KSR1: variants seen among roughly 807,000 people sequenced by gnomAD.
KSR1 encodes the protein kinase suppressor of ras 1.
A neutral mutation model predicts 92.9 loss-of-function variants in KSR1; 35 were observed. The observed-to-expected ratio is 0.38, with a 90% CI of 0.29 to 0.50. KSR1 has a LOEUF of 0.50. Among genes scored for constraint, KSR1 ranks in the 20% least tolerant of loss-of-function variants. The probability of loss-of-function intolerance (pLI) is 0.94; values close to 1 mark genes in which losing one functional copy is unlikely to be tolerated. For synonymous variants in KSR1, 467 were observed against 472.6 expected, an observed-to-expected ratio of 0.99 and a Z score of 0.15; for missense variants, 972 against 1,158.5, an observed-to-expected ratio of 0.84 and a Z score of 2.34.
rs991951054 is a variant in KSR1, at chr17:27,456,450, C to T, written c.-194C>T. On this transcript the variant is annotated 5_prime_UTR_variant, in exon 1 of 21. Coordinates refer to ENST00000644974, the MANE Select transcript of KSR1 (RefSeq NM_001394583.1). ...GCTCCGGGAGCCGCAGCCGTCGGGT[C>T]GCCGCGGCTTTCGCTTTGCTGCCGC... 7.9e-6 allele frequency: 3 copies of T among 378,310 alleles called. No homozygotes were observed. The highest frequency in any genetic ancestry group is 9.3e-6 in the Non-Finnish European group (2 of 215,234). 23.4% of individuals were successfully genotyped at this position (378,310 alleles called of 1,614,324 possible). A position where few individuals can be genotyped will look rare whatever the true frequency, so the allele number is the denominator to read the frequency against.
At chr17:27,534,560 C>T (rs1241849872) in intron 1 of KSR1, among the ~76,000 whole-genome samples, 4 of 152,294 alleles carry the variant, frequency 2.6e-5, no homozygotes, top group South Asian at 4.1e-4. Context: ...GATTTGAACC[C>T]GGGTCTGTTG....
chr17:27,596,859 G>A (rs1347250465), intron 9 of KSR1, among the ~76,000 whole-genome samples: 2 of 152,256 alleles, frequency 1.3e-5, no homozygotes, highest in Non-Finnish European at 2.9e-5. Flanking sequence ...CTGAGTATGT[G>A]ACGGTCACCC....
At position 27,494,071 on chromosome 17, in the gene KSR1, C is replaced by G. The variant is rs558233132; in HGVS notation, c.231+37197C>G. On this transcript the variant is annotated intron_variant, in intron 1 of 20. Coordinates refer to ENST00000644974, the MANE Select transcript of KSR1 (RefSeq NM_001394583.1). ...CTTTCATGTCCACAGTGGTTTGGAG[C>G]AGAGGCCCAGAAATGCTTGGGGAGT... Among the ~76,000 whole-genome samples the G allele has an allele frequency of 1.3e-4, 20 of 152,038 alleles. 1 individual carries two copies. The highest frequency in any genetic ancestry group is 4.3e-4 in the African/African-American group (18 of 41,432).
chr17:27,597,197 G>A (rs777152807), intron 9 of KSR1, 71 bp from the exon 10 acceptor site: 75 of 1,482,760 alleles, frequency 5.1e-5, no homozygotes, highest in Non-Finnish European at 6.5e-5. Flanking sequence ...ATGGGGAAGG[G>A]AGGGTGTGGC....
At chr17:27,539,142 A>G (rs2070866012) in intron 1 of KSR1, among the ~76,000 whole-genome samples, 1 of 152,148 alleles carries the variant, frequency 6.6e-6, no homozygotes, top group South Asian at 2.1e-4. Flanking sequence ...CTGCTTGGTA[A>G]TTCACACCCA....
At chr17:27,473,349 C>T (rs2020125926) in intron 1 of KSR1, among the ~76,000 whole-genome samples, 1 of 152,156 alleles carries the variant, frequency 6.6e-6, no homozygotes, top group Non-Finnish European at 1.5e-5. Flanking sequence ...ATGGATTTGG[C>T]AGTCTCGTTT....
intron 9 of KSR1, among the ~76,000 whole-genome samples, chr17:27,594,629 G>C (rs1220716434): frequency 6.6e-6 from 1 of 152,176 alleles, no homozygotes; most frequent in Admixed American, 6.5e-5. Context: ...TCCCACTGAA[G>C]GTTGCTATGA....
At chr17:27,479,750 G>A (rs961169695) in intron 1 of KSR1, among the ~76,000 whole-genome samples, 7 of 152,132 alleles carry the variant, frequency 4.6e-5, no homozygotes, top group South Asian at 2.1e-4. Flanking sequence ...CCTCAAGCAC[G>A]GGAGAGAATT....
chr17:27,613,829 A>C (rs528488410), intron 18 of KSR1, among the ~76,000 whole-genome samples: 3 of 152,210 alleles, frequency 2.0e-5, no homozygotes, highest in African/African-American at 7.2e-5. Flanking sequence ...TTTTTGAAGC[A>C]GTTTTGCTCT....
At chr17:27,582,360 G>C (rs1032033378) in intron 3 of KSR1, among the ~76,000 whole-genome samples, 1 of 152,120 alleles carries the variant, frequency 6.6e-6, no homozygotes, top group Non-Finnish European at 1.5e-5. Context: ...GTGTCATGTC[G>C]GTGCTCAGAA....
In KSR1 at chr17:27,597,414, G is replaced by A. The variant is rs1279051011; in HGVS notation, c.1446G>A (p.Arg482=). 1 of 1,608,738 alleles carries A rather than the reference G, an allele frequency of 6.2e-7. No individual in the cohort carries two copies. Among genetic ancestry groups the A allele is most frequent in the Non-Finnish European group, 8.5e-7 (1 of 1,176,694 alleles). Residue 482 remains arginine (R), a synonymous_variant, in exon 10 of 21, where the codon CGG becomes CGA. Transcript: ENST00000644974. Reference sequence around the variant, plus strand: ...CCCCCAACCCCTCACCTGGCCAGCGGGACAGCAGGTTCAACTTCCCAGGTA... The same window carrying A: ...CCCCCAACCCCTCACCTGGCCAGCGAGACAGCAGGTTCAACTTCCCAGGTA... ...TTPPNPSPGQ[R]DSRFNFPAAY...
chr17:27,586,274 T>C (rs1343700967), intron 5 of KSR1, among the ~76,000 whole-genome samples: 1 of 152,180 alleles, frequency 6.6e-6, no homozygotes, highest in Non-Finnish European at 1.5e-5. Context: ...CTGTGGGGCC[T>C]CTCTCATGAG....
intron 11 of KSR1, among the ~76,000 whole-genome samples, chr17:27,603,186 C>T (rs1003520982): frequency 2.0e-5 from 3 of 152,210 alleles, no homozygotes; most frequent in Non-Finnish European, 4.4e-5. Flanking sequence ...TGGGAACACC[C>T]CAGGCTCAGG....
At chr17:27,482,725 T>A (rs1322808789) in intron 1 of KSR1, among the ~76,000 whole-genome samples, 1 of 152,182 alleles carries the variant, frequency 6.6e-6, no homozygotes, top group Non-Finnish European at 1.5e-5. Flanking sequence ...GATGAACCAC[T>A]AACAGGCAAC....
intron 18 of KSR1, among the ~76,000 whole-genome samples, chr17:27,611,831 T>C (rs1240589123): frequency 6.6e-6 from 1 of 151,960 alleles, no homozygotes; most frequent in Non-Finnish European, 1.5e-5. Context: ...AAAATATCTA[T>C]CCTCACCCCA....
chr17:27,469,680 A>G (rs1202040441), intron 1 of KSR1, among the ~76,000 whole-genome samples: 1 of 152,124 alleles, frequency 6.6e-6, no homozygotes, highest in Non-Finnish European at 1.5e-5. Context: ...ACTTAGAAGG[A>G]GTTCAGTGTT....
intron 1 of KSR1, among the ~76,000 whole-genome samples, chr17:27,518,041 G>A (rs2069871264): frequency 6.6e-6 from 1 of 152,180 alleles, no homozygotes; most frequent in African/African-American, 2.4e-5. Flanking sequence ...ATAAATAAGA[G>A]GACCTTCTAG....
At chr17:27,578,360 T>C (rs2072606968) in intron 3 of KSR1, 2 of 153,246 alleles carry the variant, frequency 1.3e-5, no homozygotes, top group African/African-American at 4.8e-5. Context: ...GGTTTTTTCT[T>C]CCCAGAGAGG....
chr17:27,620,850 C>A (rs1009436606), intron 19 of KSR1, among the ~76,000 whole-genome samples: 7 of 152,204 alleles, frequency 4.6e-5, no homozygotes, highest in Admixed American at 6.5e-5. Flanking sequence ...CCCACCTTCT[C>A]ATTTCACAGG....
Sources: gnomAD v4.1 joint callset for allele counts (sites outside exome capture counted in the v4.1 genomes callset) on GRCh38, gnomAD v4.1.1 for gene constraint, MANE v1.5 for transcripts, NCBI Gene and HGNC (gene_info 2026-07-23, HGNC 2026-07-21) for gene names.